Variants in EPRS1 observed in about 807,000 individuals in gnomAD.
EPRS1 encodes bifunctional glutamate/proline--tRNA ligase.
EPRS1 carries 107 observed loss-of-function variants against 188.3 expected under a neutral mutation model. That is an observed-to-expected ratio of 0.57 (90% CI 0.49 to 0.67). The LOEUF (loss-of-function observed/expected upper bound fraction) is 0.67, where lower values mean the gene tolerates loss of function less well. EPRS1 is among the 30% of genes least tolerant of loss of function. The probability of loss-of-function intolerance (pLI) is 0.00; values close to 1 mark genes in which losing one functional copy is unlikely to be tolerated. For synonymous variants in EPRS1, 596 were observed against 593.1 expected, an observed-to-expected ratio of 1.00 and a Z score of -0.07; for missense variants, 1,577 against 1,802.2, an observed-to-expected ratio of 0.88 and a Z score of 2.26.
chr1:220,002,461 C>T (rs1004823715), intron 16 of EPRS1, among the ~76,000 whole-genome samples: 1 of 152,128 alleles, frequency 6.6e-6, no homozygotes, highest in Admixed American at 6.5e-5. Context: ...CTAGAAAGGG[C>T]GTTAGTGAAT....
intron 12 of EPRS1, among the ~76,000 whole-genome samples, chr1:220,015,741 G>A (rs1481622393): frequency 1.3e-5 from 2 of 151,704 alleles, no homozygotes; most frequent in Non-Finnish European, 2.9e-5. Flanking sequence ...CAGGGAGCTG[G>A]ACTGAGTCTC....
rs71169429 is a variant in EPRS1, at chr1:220,020,824, TTATATA to T, written c.1116-609_1116-604del. The stretch of plus-strand genomic sequence containing the variant: ...ATTTACATGCAGTATCAATTTGAAT[TTATATA>T]TATATATATATATATATATATATAT... On this transcript the variant is annotated intron_variant, in intron 9 of 31. Transcript: ENST00000366923. 4.8e-3 allele frequency among the ~76,000 whole-genome samples: 527 copies of T among 109,082 alleles called. 1 individual carries two copies. The highest frequency in any genetic ancestry group is 0.015 in the South Asian group (42 of 2,840). The allele number at this position is 109,082 out of a possible 152,430, so 71.6% of individuals were successfully genotyped here. A position where few individuals can be genotyped will look rare whatever the true frequency, so the allele number is the denominator to read the frequency against.
In EPRS1 at chr1:220,000,328, T is replaced by A. The variant is rs543501455; in HGVS notation, c.2181+810A>T. On this transcript the variant is annotated intron_variant, in intron 17 of 31. Coordinates refer to ENST00000366923, the MANE Select transcript of EPRS1 (RefSeq NM_004446.3). ...TATAGTAGCAATTTTCAAGGTGTGGTCCACAGACCCCAAGGGGTATATAAA... is the reference window on the plus strand; with the variant it reads ...TATAGTAGCAATTTTCAAGGTGTGGACCACAGACCCCAAGGGGTATATAAA... Among the ~76,000 whole-genome samples, 6 of 152,318 alleles carry A rather than the reference T, an allele frequency of 3.9e-5. No individual in the cohort carries two copies. In the South Asian group the frequency reaches 1.2e-3, roughly 32 times the overall value.
intron 18 of EPRS1, among the ~76,000 whole-genome samples, chr1:219,990,167 C>T (rs1040785130): frequency 6.8e-6 from 1 of 146,754 alleles, no homozygotes; most frequent in South Asian, 2.2e-4. Flanking sequence ...TAATTTGAAA[C>T]GTTATAAAGG....
At position 219,975,674 on chromosome 1, in the gene EPRS1, C is replaced by T. The variant is rs7524619; in HGVS notation, c.4084-2276G>A. 5.0e-3 allele frequency among the ~76,000 whole-genome samples: 760 copies of T among 152,210 alleles called. 6 individuals are homozygous for T. Among genetic ancestry groups the T allele is most frequent in the African/African-American group, 0.018 (739 of 41,536 alleles). Reference sequence around the variant, plus strand: ...CTGGTGGCGAAATCCTGACCTCAGACGATCCACCTGCCTCAGCCTCCCAAG... The same window carrying T: ...CTGGTGGCGAAATCCTGACCTCAGATGATCCACCTGCCTCAGCCTCCCAAG... On this transcript the variant is annotated intron_variant, in intron 28 of 31. Transcript: ENST00000366923.
At position 219,984,197 on chromosome 1, in the gene EPRS1, C is replaced by T; in HGVS notation, c.3090+9G>A. 6.2e-7 allele frequency: 1 copy of T among 1,606,308 alleles called. No individual in the cohort carries two copies. The highest frequency in any genetic ancestry group is 8.5e-7 in the Non-Finnish European group (1 of 1,173,140). On this transcript the variant is annotated intron_variant, in intron 21 of 31. Coordinates refer to ENST00000366923, the MANE Select transcript of EPRS1 (RefSeq NM_004446.3). ...TTAAAACATAAAAATCAACTGAATG[C>T]ATACTCACCTGAGAATACCAATCAG...
At position 220,018,615 on chromosome 1, in the gene EPRS1, A is replaced by G. The variant is rs1321858761; in HGVS notation, c.1435-107T>C. 7 of 754,190 alleles carry G rather than the reference A, an allele frequency of 9.3e-6. No individual in the cohort carries two copies. The East Asian group carries it at 1.8e-4, about 20-fold the overall frequency. The allele number at this position is 754,190 out of a possible 1,614,324, so 46.7% of individuals were successfully genotyped here. A position where few individuals can be genotyped will look rare whatever the true frequency, so the allele number is the denominator to read the frequency against. ...GAAAAAAAAAAAAAACTCGATAAAT[A>G]CTTTCAAGTTTACTTCTAGTGAAAT... On this transcript the variant is annotated intron_variant, in intron 11 of 31. Transcript: ENST00000366923.
chr1:220,023,166 C>G lies in EPRS1; in HGVS notation c.944-648G>C, dbSNP rs147057363. Among the ~76,000 whole-genome samples the G allele has an allele frequency of 5.1e-4, 77 of 152,258 alleles. 2 individuals carry two copies. In the East Asian group the frequency reaches 0.015, roughly 29 times the overall value. On this transcript the variant is annotated intron_variant, in intron 8 of 31. Coordinates refer to ENST00000366923, the MANE Select transcript of EPRS1 (RefSeq NM_004446.3). ...GAGTTTAATACCAGAAAAAAGGACT[C>G]TACATTCCAAGTGGCTATGGCTCCC... is the stretch of plus-strand genomic sequence containing the variant.
intron 2 of EPRS1, 30 bp from the exon 3 acceptor site, chr1:220,035,043 C>A: frequency 9.2e-7 from 1 of 1,084,508 alleles, no homozygotes; most frequent in South Asian, 1.4e-5. Context: ...TAAAATATTA[C>A]TGCTGCTCTA....
chr1:220,019,885 T>C, intron 10 of EPRS1, 103 bp downstream of exon 10: 2 of 753,540 alleles, frequency 2.7e-6, no homozygotes, highest in South Asian at 3.4e-5. Flanking sequence ...GGCCTACCCA[T>C]TCCCCCTCCT....
chr1:219,987,545 G>T, intron 19 of EPRS1, 141 bp from the exon 20 acceptor site: 1 of 670,002 alleles, frequency 1.5e-6, no homozygotes, highest in Non-Finnish European at 2.4e-6. Flanking sequence ...TGGTGATAAG[G>T]TTTGAGGGAG....
rs571365539 is a variant in EPRS1, at chr1:219,973,945, G to T, written c.4084-547C>A. 3.0e-4 allele frequency among the ~76,000 whole-genome samples: 45 copies of T among 150,708 alleles called. 1 individual carries two copies. Among genetic ancestry groups the T allele is most frequent in the Middle Eastern group, 3.4e-3 (1 of 294 alleles). On this transcript the variant is annotated intron_variant, in intron 28 of 31. Coordinates refer to ENST00000366923, the MANE Select transcript of EPRS1 (RefSeq NM_004446.3). ...GGTTGGGGATGCGACCTGAGAATTT[G>T]TTTTTTTTTGTTTGTTTGAAGACAG...
Position 219,992,949 on chromosome 1 carries a change from G to A in EPRS1, c.2541+4034C>T, listed in dbSNP as rs577233876. On this transcript the variant is annotated intron_variant, in intron 18 of 31. Transcript: ENST00000366923. ...AAAAATTCATTTACAAAGAACAGGC[G>A]TACGGCCAGGCCCAGCAGCTCACAT... Among the ~76,000 whole-genome samples the A allele has an allele frequency of 3.1e-4, 47 of 151,098 alleles. 1 individual carries two copies. In the South Asian group the frequency reaches 7.8e-3, roughly 25 times the overall value.
intron 29 of EPRS1, 68 bp downstream of exon 29, chr1:219,973,170 C>T: frequency 7.1e-7 from 1 of 1,408,668 alleles, no homozygotes; most frequent in Non-Finnish European, 9.8e-7. Context: ...CCCAAAAATT[C>T]CTTGGTAAAG....
intron 20 of EPRS1, among the ~76,000 whole-genome samples, chr1:219,986,375 T>G (rs2102567441): frequency 6.6e-6 from 1 of 152,348 alleles, no homozygotes; most frequent in South Asian, 2.1e-4. Context: ...TATATTTTTA[T>G]ATGGAAAACC....
chr1:220,026,509 C>T (rs1165466140), intron 6 of EPRS1, among the ~76,000 whole-genome samples: 1 of 151,780 alleles, frequency 6.6e-6, no homozygotes, highest in Non-Finnish European at 1.5e-5. Flanking sequence ...AGCAGTGGTA[C>T]AGTTTTTTTT....
chr1:219,970,141 C>T (rs1874812), intron 30 of EPRS1, among the ~76,000 whole-genome samples: 70,000 of 152,038 alleles, frequency 0.46, 16,212 homozygotes, highest in South Asian at 0.53. Context: ...TAAAATTTCT[C>T]CCAGTTGTGA....
At chr1:219,974,181 T>C (rs1660731986) in intron 28 of EPRS1, among the ~76,000 whole-genome samples, 1 of 152,182 alleles carries the variant, frequency 6.6e-6, no homozygotes, top group South Asian at 2.1e-4. Flanking sequence ...TGGCCTCAAC[T>C]GATCTGCCGG....
chr1:219,978,603 T>C lies in EPRS1; in HGVS notation c.4026A>G (p.Arg1342=). The C allele has an allele frequency of 6.2e-7, 1 of 1,608,968 alleles. No homozygotes were observed. Residue 1342 remains arginine (R), a synonymous_variant, in exon 28 of 32, where the codon AGA becomes AGG. Transcript: ENST00000366923. ...GAGAATAATTATCTCGTAAATCAGCTCTAACGCGGATGTTAACACTGAGTA... is the reference window on the plus strand; with the variant it reads ...GAGAATAATTATCTCGTAAATCAGCCCTAACGCGGATGTTAACACTGAGTA... ...RRLLSVNIRV[R]ADLRDNYSPG...
Sources: allele counts gnomAD v4.1 joint callset (sites outside exome capture counted in the v4.1 genomes callset), GRCh38; gene constraint gnomAD v4.1.1; transcripts MANE v1.5; gene names NCBI Gene and HGNC (gene_info 2026-07-23, HGNC 2026-07-21).